GCA: variants seen among roughly 807,000 people sequenced by gnomAD.
GCA encodes grancalcin.
Under a neutral mutation model 32.6 loss-of-function variants are expected in GCA, and 30 were observed. The observed-to-expected ratio is 0.92, with a 90% confidence interval of 0.69 to 1.25. The LOEUF (loss-of-function observed/expected upper bound fraction) is 1.25. Among genes scored for constraint, GCA ranks in the 50% most tolerant of loss-of-function variants. The probability of loss-of-function intolerance (pLI) is 0.00; values close to 1 mark genes in which losing one functional copy is unlikely to be tolerated. For synonymous variants in GCA, 102 were observed against 84.6 expected (o/e 1.21, Z -1.13); for missense variants, 291 against 266.8 (o/e 1.09, Z -0.63).
At chr2:162,329,845 A>G (rs888776707) in intron 1 of GCA, among the ~76,000 whole-genome samples, 2 of 151,942 alleles carry the variant, frequency 1.3e-5, no homozygotes, top group African/African-American at 2.4e-5. Flanking sequence ...ACCCTTCACT[A>G]TCCAGTAGGC....
downstream of GCA, chr2:162,372,053 T>C (rs1685968860): frequency 6.2e-7 from 1 of 1,613,206 alleles, no homozygotes. Flanking sequence ...AGGGATTCTT[T>C]GGATTTAAGT....
intron 1 of GCA, among the ~76,000 whole-genome samples, chr2:162,334,046 G>T (rs1684181640): frequency 1.3e-5 from 2 of 152,098 alleles, no homozygotes; most frequent in Non-Finnish European, 2.9e-5. Flanking sequence ...AAGCAGCCCA[G>T]GCCAAATCCT....
At chr2:162,327,950 CT>C (rs1683943554) in intron 1 of GCA, among the ~76,000 whole-genome samples, 1 of 152,236 alleles carries the variant, frequency 6.6e-6, no homozygotes, top group African/African-American at 2.4e-5. Flanking sequence ...GGACCGCGTG[CT>C]GGCAGTCCTC....
chr2:162,323,309 C>A (rs1229497503), intron 1 of GCA, among the ~76,000 whole-genome samples: 1 of 151,786 alleles, frequency 6.6e-6, no homozygotes, highest in African/African-American at 2.4e-5. Context: ...TGGATATTAG[C>A]CCTTTGTCGG....
intron 1 of GCA, among the ~76,000 whole-genome samples, chr2:162,336,356 T>C (rs1684270595): frequency 6.6e-6 from 1 of 152,226 alleles, no homozygotes; most frequent in Non-Finnish European, 1.5e-5. Flanking sequence ...ATCAAATACA[T>C]AATTATTTGA....
At chr2:162,336,790 T>A (rs1353176072) in intron 1 of GCA, among the ~76,000 whole-genome samples, 1 of 152,202 alleles carries the variant, frequency 6.6e-6, no homozygotes. Flanking sequence ...TACAGAACAA[T>A]TTCATGGGTT....
Position 162,361,792 on chromosome 2 carries a change from G to T in GCA, c.*1549G>T. 1.0e-6 allele frequency: 1 copy of T among 984,220 alleles called. No homozygotes were observed. The highest frequency in any genetic ancestry group is 1.2e-6 in the Non-Finnish European group (1 of 829,056). 61.0% of individuals were successfully genotyped at this position (984,220 alleles called of 1,614,324 possible). On this transcript the variant is annotated 3_prime_UTR_variant, in exon 8 of 8. Coordinates refer to ENST00000437150, the MANE Select transcript of GCA (RefSeq NM_012198.5). ...ACTGAGCTGGGAAATTAAAGAAACA[G>T]AATTCTAATTAGAAGTGTTGTAGGA...
At position 162,356,862 on chromosome 2, in the gene GCA, CACAGTAGA is replaced by C. The variant is rs1180610890; in HGVS notation, c.415_422del (p.Val139SerfsTer2). 6 of 1,609,312 alleles carry C rather than the reference CACAGTAGA, an allele frequency of 3.7e-6. No individual in the cohort carries two copies. In the East Asian group the frequency reaches 1.3e-4, roughly 36 times the overall value. ...TGACTGTTGATCAAGATGGAAGTGG[CACAGTAGA>C]ACATCATGAGTTGCGTCAAGCCATT... On this transcript the variant is annotated frameshift_variant, in exon 5 of 8. Coordinates refer to ENST00000437150, the MANE Select transcript of GCA (RefSeq NM_012198.5). LOFTEE classifies it high-confidence loss of function.
intron 1 of GCA, among the ~76,000 whole-genome samples, chr2:162,336,640 ATC>A (rs35544365): frequency 1.3e-5 from 2 of 151,882 alleles, no homozygotes; most frequent in Non-Finnish European, 2.9e-5. Context: ...ACCTAAGTAT[ATC>A]TCTCTCTCTC....
upstream of GCA, among the ~76,000 whole-genome samples, chr2:162,342,606 A>C (rs1684488915): frequency 6.6e-6 from 1 of 152,226 alleles, no homozygotes; most frequent in Non-Finnish European, 1.5e-5. Flanking sequence ...AGGAAATACT[A>C]TCTTTGCAAT....
rs75026023 is a variant in GCA, at chr2:162,348,124, C to A, written c.192+382C>A. On this transcript the variant is annotated intron_variant, in intron 2 of 7. Transcript: ENST00000437150. The stretch of plus-strand genomic sequence containing the variant: ...GTTATAATTTTTCTGTCACTTAAAT[C>A]TTTTTATTTCCTTCACTCTGTTTGA... 6.4e-3 allele frequency among the ~76,000 whole-genome samples: 981 copies of A among 152,192 alleles called. 4 individuals carry two copies. The highest frequency in any genetic ancestry group is 0.011 in the Non-Finnish European group (766 of 67,988).
At chr2:162,368,046 C>T (rs1050351845), downstream of GCA, among the ~76,000 whole-genome samples, 3 of 151,834 alleles carry the variant, frequency 2.0e-5, no homozygotes, top group Non-Finnish European at 4.4e-5. Context: ...GTAAGGATCA[C>T]GTGAGGGAGG....
At chr2:162,365,371 A>G (rs1462131253), downstream of GCA, among the ~76,000 whole-genome samples, 3 of 151,600 alleles carry the variant, frequency 2.0e-5, no homozygotes, top group Non-Finnish European at 3.0e-5. Flanking sequence ...CTTATTGCAA[A>G]ACTAGTTGTG....
intron 1 of GCA, among the ~76,000 whole-genome samples, chr2:162,334,427 A>G (rs1225683827): frequency 1.3e-5 from 2 of 152,172 alleles, no homozygotes; most frequent in Admixed American, 1.3e-4. Context: ...CAATCTTCAG[A>G]AAAAAATCAT....
downstream of GCA, chr2:162,373,498 G>A: frequency 6.4e-7 from 1 of 1,569,322 alleles, no homozygotes; most frequent in Non-Finnish European, 8.6e-7. Context: ...ACTTCGGTCA[G>A]TTTTGATGGA....
chr2:162,353,051 C>G (rs1452106335), intron 3 of GCA, among the ~76,000 whole-genome samples: 1 of 152,172 alleles, frequency 6.6e-6, no homozygotes, highest in Non-Finnish European at 1.5e-5. Flanking sequence ...CACCATCATT[C>G]TGAAGCTGGT....
chr2:162,336,155 C>T (rs1053945628), intron 1 of GCA, among the ~76,000 whole-genome samples: 4 of 151,988 alleles, frequency 2.6e-5, no homozygotes, highest in African/African-American at 9.7e-5. Context: ...TAGGCTGAAG[C>T]TACATGTTTT....
At chr2:162,346,862 CT>C (rs1201171154) in intron 1 of GCA, among the ~76,000 whole-genome samples, 2 of 152,096 alleles carry the variant, frequency 1.3e-5, no homozygotes, top group Non-Finnish European at 2.9e-5. Context: ...TTTGTTATGG[CT>C]TTAGTTAAAA....
rs78355083 is a variant in GCA at position 162,360,794 on chromosome 2, C to T, written c.*551C>T. 2.3e-6 allele frequency: 3 copies of T among 1,322,818 alleles called. No homozygotes were observed. The Admixed American group carries it at 9.9e-5, about 44-fold the overall frequency. The allele number at this position is 1,322,818 out of a possible 1,614,324, so 81.9% of individuals were successfully genotyped here. A position where few individuals can be genotyped will look rare whatever the true frequency, so the allele number is the denominator to read the frequency against. On this transcript the variant is annotated 3_prime_UTR_variant, in exon 8 of 8. Transcript: ENST00000437150. Reference sequence around the variant, plus strand: ...GTCTGTGAAGAAGAAAATTATCTCCCTAGTTCAATCTGTAGTGAAATAAGA... The same window carrying T: ...GTCTGTGAAGAAGAAAATTATCTCCTTAGTTCAATCTGTAGTGAAATAAGA...
Sources: gnomAD v4.1 joint callset for allele counts (sites outside exome capture counted in the v4.1 genomes callset) on GRCh38, gnomAD v4.1.1 for gene constraint, MANE v1.5 for transcripts, NCBI Gene and HGNC (gene_info 2026-07-23, HGNC 2026-07-21) for gene names.